Variants in CHKA observed in about 807,000 individuals in gnomAD.
CHKA encodes the protein CHETK-alpha.
A neutral mutation model predicts 60.1 loss-of-function variants in CHKA; 34 were observed. That is an observed-to-expected ratio of 0.57 (90% confidence interval 0.43 to 0.75). CHKA has a LOEUF of 0.75. CHKA is among the 30% of genes least tolerant of loss of function. CHKA has a pLI of 0.00. For synonymous variants in CHKA, 217 were observed against 223.1 expected (o/e 0.97, Z 0.24); for missense variants, 563 against 561.3 (o/e 1.00, Z -0.03).
intron 1 of CHKA, among the ~76,000 whole-genome samples, chr11:68,119,618 C>T (rs1474593513): frequency 1.3e-5 from 2 of 152,052 alleles, no homozygotes; most frequent in Non-Finnish European, 2.9e-5. Context: ...TACAGGTGTG[C>T]GCCACCATGC....
At chr11:68,117,087 C>A (rs1858415984) in intron 1 of CHKA, among the ~76,000 whole-genome samples, 1 of 152,148 alleles carries the variant, frequency 6.6e-6, no homozygotes, top group Admixed American at 6.5e-5. Context: ...TAAACACACA[C>A]ACAAACGTGT....
intron 11 of CHKA, among the ~76,000 whole-genome samples, chr11:68,058,195 T>C (rs984215149): frequency 6.6e-6 from 1 of 152,232 alleles, no homozygotes; most frequent in Non-Finnish European, 1.5e-5. Flanking sequence ...CTGGATGATT[T>C]ACATTACTTA....
chr11:68,118,935 A>G (rs1205076101), intron 1 of CHKA, among the ~76,000 whole-genome samples: 1 of 152,230 alleles, frequency 6.6e-6, no homozygotes, highest in Non-Finnish European at 1.5e-5. Context: ...GCCGCAGGCT[A>G]GAGCACTGGT....
At chr11:68,106,286 C>G (rs961768073) in intron 1 of CHKA, among the ~76,000 whole-genome samples, 1 of 152,148 alleles carries the variant, frequency 6.6e-6, no homozygotes, top group African/African-American at 2.4e-5. Flanking sequence ...GTGGCTAACA[C>G]CTATAATCAA....
At chr11:68,073,506 T>C (rs1179603144) in intron 4 of CHKA, among the ~76,000 whole-genome samples, 1 of 152,046 alleles carries the variant, frequency 6.6e-6, no homozygotes, top group African/African-American at 2.4e-5. Flanking sequence ...CATAGCCAGG[T>C]GCCAGGGAGC....
At chr11:68,101,589 T>C (rs1857727110) in intron 1 of CHKA, among the ~76,000 whole-genome samples, 1 of 150,210 alleles carries the variant, frequency 6.7e-6, no homozygotes, top group Admixed American at 6.6e-5. Flanking sequence ...CGCCACTGCA[T>C]GCCAGCTAAT....
intron 1 of CHKA, among the ~76,000 whole-genome samples, chr11:68,112,033 A>G (rs533680522): frequency 3.4e-5 from 5 of 147,044 alleles, no homozygotes; most frequent in Admixed American, 1.4e-4. Flanking sequence ...AGCCTGGGCA[A>G]CAACAGCAAA....
chr11:68,081,558 AG>A, intron 2 of CHKA, 101 bp from the exon 3 acceptor site: 1 of 903,708 alleles, frequency 1.1e-6, no homozygotes. Context: ...AAAACATCAC[AG>A]GTCTTTAAGG....
At chr11:68,056,893 T>C (rs1192853963) in intron 11 of CHKA, among the ~76,000 whole-genome samples, 3 of 152,146 alleles carry the variant, frequency 2.0e-5, no homozygotes, top group East Asian at 1.9e-4. Context: ...CCCTGAGTTC[T>C]GTGAGCTGCT....
At chr11:68,064,940 C>T (rs1393639320) in intron 9 of CHKA, among the ~76,000 whole-genome samples, 1 of 152,138 alleles carries the variant, frequency 6.6e-6, no homozygotes, top group East Asian at 1.9e-4. Flanking sequence ...GTGCACCCTC[C>T]CAATCCTACT....
intron 2 of CHKA, 123 bp from the exon 3 acceptor site, chr11:68,081,580 A>G: frequency 2.7e-6 from 2 of 728,954 alleles, no homozygotes; most frequent in East Asian, 2.7e-5. Context: ...AAGGTTTCTC[A>G]GCCCACCGAT....
At chr11:68,116,540 G>A (rs952745947) in intron 1 of CHKA, among the ~76,000 whole-genome samples, 2 of 151,444 alleles carry the variant, frequency 1.3e-5, no homozygotes, top group Non-Finnish European at 2.9e-5. Context: ...GTGAAACCTT[G>A]TATCTACTAA....
chr11:68,086,878 C>T (rs969448368), intron 2 of CHKA, among the ~76,000 whole-genome samples: 4 of 152,022 alleles, frequency 2.6e-5, no homozygotes, highest in East Asian at 1.9e-4. Context: ...CCCAGCTACT[C>T]GGGAGGCTGA....
At chr11:68,070,920 C>T in intron 4 of CHKA, 63 bp from the exon 5 acceptor site, 1 of 1,532,116 alleles carries the variant, frequency 6.5e-7, no homozygotes, top group Non-Finnish European at 9.0e-7. Flanking sequence ...AGTGAGATCA[C>T]ACAGTCTTAG....
At chr11:68,060,066 G>A (rs918433928) in intron 11 of CHKA, among the ~76,000 whole-genome samples, 15 of 133,668 alleles carry the variant, frequency 1.1e-4, no homozygotes, top group Admixed American at 9.5e-4. Flanking sequence ...TCGCTCTGTC[G>A]CCCAGGCTGG....
intron 11 of CHKA, among the ~76,000 whole-genome samples, chr11:68,055,199 A>G (rs1321134947): frequency 6.6e-6 from 1 of 152,058 alleles, no homozygotes; most frequent in Non-Finnish European, 1.5e-5. Context: ...TTGAGACCAG[A>G]CTGGTCAACA....
rs886829774 is a variant in CHKA at position 68,064,721 on chromosome 11, C to A, written c.1126-90G>T. Reference sequence around the variant, plus strand: ...CTAAGCATATGCATCTACTGTGACACACTGGGAGACACACACTCAACATGA... The same window carrying A: ...CTAAGCATATGCATCTACTGTGACAAACTGGGAGACACACACTCAACATGA... On this transcript the variant is annotated intron_variant, in intron 9 of 11. Transcript: ENST00000265689. 4.2e-6 allele frequency: 3 copies of A among 712,170 alleles called. No individual in the cohort carries two copies. The African/African-American group carries it at 5.6e-5, about 13-fold the overall frequency. The allele number at this position is 712,170 out of a possible 1,614,324, so 44.1% of individuals were successfully genotyped here. A position where few individuals can be genotyped will look rare whatever the true frequency, so the allele number is the denominator to read the frequency against.
At chr11:68,108,139 TTTATTA>T (rs925300642) in intron 1 of CHKA, among the ~76,000 whole-genome samples, 4 of 152,052 alleles carry the variant, frequency 2.6e-5, no homozygotes, top group South Asian at 2.1e-4. Context: ...AAGAAGTGCT[TTTATTA>T]TTATTATTAT....
intron 3 of CHKA, among the ~76,000 whole-genome samples, chr11:68,081,159 T>C (rs1315595518): frequency 2.6e-5 from 4 of 152,120 alleles, no homozygotes; most frequent in Admixed American, 2.0e-4. Context: ...CCGAATGCTG[T>C]TTCGATTGCC....
Sources: gnomAD v4.1 joint callset for allele counts (sites outside exome capture counted in the v4.1 genomes callset) on GRCh38, gnomAD v4.1.1 for gene constraint, MANE v1.5 for transcripts, NCBI Gene and HGNC (gene_info 2026-07-23, HGNC 2026-07-21) for gene names.